The following GRM1 variants were observed in gnomAD, a reference collection of about 807,000 sequenced individuals.
The protein encoded by GRM1 is metabotropic glutamate receptor 1.
A neutral mutation model predicts 90.9 loss-of-function variants in GRM1; 33 were observed. The ratio of observed to expected loss-of-function variants is 0.36; its 90% CI spans 0.28 to 0.49. GRM1 has a LOEUF of 0.49. Among genes scored for constraint, GRM1 ranks in the 20% least tolerant of loss-of-function variants. The probability of loss-of-function intolerance (pLI) is 0.99; values close to 1 mark genes in which losing one functional copy is unlikely to be tolerated. For missense variants in GRM1, 1,190 were observed against 1,534.3 expected (o/e 0.78, Z 3.75); for synonymous variants, 700 against 613.2 (o/e 1.14, Z -2.09).
intron 1 of GRM1, among the ~76,000 whole-genome samples, chr6:146,044,659 G>C (rs967586953): frequency 4.6e-5 from 7 of 151,958 alleles, no homozygotes; most frequent in African/African-American, 1.4e-4. Context: ...CACCAAATTT[G>C]AAACCATGAA....
intron 5 of GRM1, among the ~76,000 whole-genome samples, chr6:146,376,837 ATAAT>A (rs1776117434): frequency 6.6e-6 from 1 of 152,156 alleles, no homozygotes; most frequent in Non-Finnish European, 1.5e-5. Context: ...CGTAACTCTC[ATAAT>A]TCCCACATGT....
chr6:146,059,589 G>GAT (rs1775594179), intron 1 of GRM1, among the ~76,000 whole-genome samples: 1 of 152,086 alleles, frequency 6.6e-6, no homozygotes, highest in Non-Finnish European at 1.5e-5. Flanking sequence ...AAATCAGCCT[G>GAT]TCCTTTGAAG....
intron 2 of GRM1, among the ~76,000 whole-genome samples, chr6:146,280,657 C>T (rs1027645698): frequency 6.6e-6 from 1 of 152,126 alleles, no homozygotes; most frequent in African/African-American, 2.4e-5. Context: ...CTCATTCTCT[C>T]ACTCAGGCAG....
In GRM1 at chr6:146,165,410, T is replaced by TG. The variant is rs1448590988; in HGVS notation, c.950+5817dup. Among the ~76,000 whole-genome samples the TG allele has an allele frequency of 1.1e-4, 16 of 152,124 alleles. No homozygotes were observed. The East Asian group carries it at 2.9e-3, about 28-fold the overall frequency. ...TCATGTTTCCACTATGGAAAAAAAATGGGGAAAACTCTAAAGTTTGCAGCA... is the reference window on the plus strand; with the variant it reads ...TCATGTTTCCACTATGGAAAAAAAATGGGGGAAAACTCTAAAGTTTGCAGCA... On this transcript the variant is annotated intron_variant, in intron 2 of 7. Coordinates refer to ENST00000282753, the MANE Select transcript of GRM1 (RefSeq NM_001278064.2).
intron 2 of GRM1, among the ~76,000 whole-genome samples, chr6:146,240,103 T>C (rs951852447): frequency 2.0e-5 from 3 of 152,092 alleles, no homozygotes; most frequent in Admixed American, 6.6e-5. Flanking sequence ...GGTGGGAACC[T>C]GGCAAGGACC....
chr6:146,165,623 C>T (rs1777878834), intron 2 of GRM1, among the ~76,000 whole-genome samples: 1 of 152,116 alleles, frequency 6.6e-6, no homozygotes, highest in Admixed American at 6.5e-5. Context: ...GAAATTATTA[C>T]AAACCTGCAG....
Position 146,434,884 on chromosome 6 carries a change from G to T in GRM1, c.*88G>T. ...GCAAACAGCTGGGAGGAAAAGCCTG[G>T]GAGTGGGGGGCCTCGTCGGGAGGAC... is the stretch of plus-strand genomic sequence containing the variant. On this transcript the variant is annotated 3_prime_UTR_variant, in exon 8 of 8. Coordinates refer to ENST00000282753, the MANE Select transcript of GRM1 (RefSeq NM_001278064.2). 1 of 1,169,536 alleles carries T rather than the reference G, an allele frequency of 8.6e-7. No homozygotes were observed. The highest frequency in any genetic ancestry group is 1.3e-6 in the Non-Finnish European group (1 of 796,402). The allele number at this position is 1,169,536 out of a possible 1,614,324, so 72.4% of individuals were successfully genotyped here. A position where few individuals can be genotyped will look rare whatever the true frequency, so the allele number is the denominator to read the frequency against.
intron 5 of GRM1, among the ~76,000 whole-genome samples, chr6:146,361,933 C>G (rs543871127): frequency 1.3e-5 from 2 of 152,146 alleles, no homozygotes; most frequent in African/African-American, 4.8e-5. Context: ...GCCGAGGGAA[C>G]AGAATCCAGA....
intron 2 of GRM1, among the ~76,000 whole-genome samples, chr6:146,168,230 C>A (rs538337198): frequency 6.6e-6 from 1 of 151,980 alleles, no homozygotes; most frequent in South Asian, 2.1e-4. Flanking sequence ...AATTTTATCT[C>A]TATTTTTGGC....
intron 2 of GRM1, among the ~76,000 whole-genome samples, chr6:146,282,480 T>A (rs1782605038): frequency 6.6e-6 from 1 of 150,664 alleles, no homozygotes; most frequent in African/African-American, 2.4e-5. Flanking sequence ...ATTTGTTGAA[T>A]GAAAGAAAAG....
At chr6:146,044,438 A>C (rs541123620) in intron 1 of GRM1, among the ~76,000 whole-genome samples, 4 of 152,098 alleles carry the variant, frequency 2.6e-5, no homozygotes, top group African/African-American at 7.2e-5. Context: ...AGGTAGGCTC[A>C]GTACCTATGA....
At chr6:146,227,903 A>G (rs1321499564) in intron 2 of GRM1, among the ~76,000 whole-genome samples, 2 of 152,170 alleles carry the variant, frequency 1.3e-5, no homozygotes, top group East Asian at 3.9e-4. Flanking sequence ...CAATTTATTC[A>G]GTTTTAGAGG....
At chr6:146,173,815 C>T (rs544907974) in intron 2 of GRM1, among the ~76,000 whole-genome samples, 17 of 151,980 alleles carry the variant, frequency 1.1e-4, no homozygotes, top group Middle Eastern at 3.4e-3. Context: ...TACAGGCACC[C>T]GCCACCACGC....
intron 1 of GRM1, among the ~76,000 whole-genome samples, chr6:146,059,528 T>G (rs556204704): frequency 6.6e-6 from 1 of 152,262 alleles, no homozygotes; most frequent in African/African-American, 2.4e-5. Flanking sequence ...AAATGATAAA[T>G]GAACATTGGT....
At chr6:146,373,671 G>T (rs2115100212) in intron 5 of GRM1, among the ~76,000 whole-genome samples, 1 of 152,180 alleles carries the variant, frequency 6.6e-6, no homozygotes, top group East Asian at 1.9e-4. Flanking sequence ...GTTCATTGTT[G>T]TTGACATATA....
Position 146,029,526 on chromosome 6 carries a change from G to C in GRM1, c.9G>C (p.Gly3=). ...ACCTCGTCCTCACCACCATGGTCGG[G>C]CTCCTTTTGTTTTTTTTCCCAGCGA... MV[G]LLLFFFPAIF... The change falls in exon 1 of 8, where the codon GGG becomes GGC. Residue 3 remains glycine (G), a synonymous_variant. Transcript: ENST00000282753. 1 of 1,613,644 alleles carries C rather than the reference G, an allele frequency of 6.2e-7. No homozygotes were observed. Among genetic ancestry groups the C allele is most frequent in the Non-Finnish European group, 8.5e-7 (1 of 1,179,580 alleles).
At chr6:146,115,756 A>G (rs1215964595) in intron 1 of GRM1, among the ~76,000 whole-genome samples, 1 of 152,114 alleles carries the variant, frequency 6.6e-6, no homozygotes, top group African/African-American at 2.4e-5. Flanking sequence ...ATTGATTTTG[A>G]TTGGATATTC....
chr6:146,428,226 AT>A (rs898460535), intron 7 of GRM1, among the ~76,000 whole-genome samples: 68 of 151,942 alleles, frequency 4.5e-4, no homozygotes, highest in African/African-American at 1.4e-3. Flanking sequence ...TTCCTGTTAA[AT>A]TTTTTTTTAA....
At chr6:146,135,178 T>C (rs1776573348) in intron 1 of GRM1, among the ~76,000 whole-genome samples, 1 of 152,232 alleles carries the variant, frequency 6.6e-6, no homozygotes, top group Non-Finnish European at 1.5e-5. Flanking sequence ...ATGGCCATTT[T>C]ATAGGTGAGG....
Sources: gnomAD v4.1 joint callset for allele counts (sites outside exome capture counted in the v4.1 genomes callset) on GRCh38, gnomAD v4.1.1 for gene constraint, MANE v1.5 for transcripts, NCBI Gene and HGNC (gene_info 2026-07-23, HGNC 2026-07-21) for gene names.